TOMM34: variants seen among roughly 807,000 people sequenced by gnomAD.
TOMM34 encodes the protein translocase of outer mitochondrial membrane 34, also known as mitochondrial import receptor subunit TOM34.
In TOMM34, 24 loss-of-function variants were observed where a neutral mutation model predicts 37.4. The observed-to-expected ratio is 0.64, with a 90% CI of 0.46 to 0.90. TOMM34 has a LOEUF of 0.90. Ranked by LOEUF, TOMM34 falls within the 40% of genes least tolerant of loss-of-function variation. TOMM34 has a pLI of 0.00. For synonymous variants in TOMM34, 154 were observed against 148.9 expected (o/e 1.03, Z -0.25); for missense variants, 304 against 375.6 (o/e 0.81, Z 1.58).
At chr20:44,947,002 A>G (rs185844151) in intron 5 of TOMM34, among the ~76,000 whole-genome samples, 1 of 152,388 alleles carries the variant, frequency 6.6e-6, no homozygotes, top group African/African-American at 2.4e-5. Context: ...CAATTAAAAC[A>G]GTGTGGCACA....
At chr20:44,953,406 C>T (rs539958587) in intron 3 of TOMM34, among the ~76,000 whole-genome samples, 3 of 152,310 alleles carry the variant, frequency 2.0e-5, no homozygotes, top group African/African-American at 7.2e-5. Flanking sequence ...TCCCTTGGGA[C>T]ATCAATGCCC....
Position 44,943,031 on chromosome 20 carries a change from AG to A in TOMM34, c.*77del. 7.0e-7 allele frequency: 1 copy of A among 1,425,722 alleles called. No individual in the cohort carries two copies. Among genetic ancestry groups the A allele is most frequent in the Non-Finnish European group, 9.9e-7 (1 of 1,013,994 alleles). 88.3% of individuals were successfully genotyped at this position (1,425,722 alleles called of 1,614,324 possible). On this transcript the variant is annotated 3_prime_UTR_variant, in exon 7 of 7. Coordinates refer to ENST00000372813, the MANE Select transcript of TOMM34 (RefSeq NM_006809.5). Reference sequence around the variant, plus strand: ...GCTCACTTGGGGCATGCTGGGTTTCAGGAGCGGGCACAGAGCAGGTGGCCCA... The same window carrying A: ...GCTCACTTGGGGCATGCTGGGTTTCAGAGCGGGCACAGAGCAGGTGGCCCA...
chr20:44,952,618 CG>C (rs955905490), intron 3 of TOMM34: 4 of 717,366 alleles, frequency 5.6e-6, no homozygotes, highest in Non-Finnish European at 1.0e-5. Flanking sequence ...CTTCCAGGCC[CG>C]GCTAACTCCA....
chr20:44,960,183 G>A (rs1245405062), intron 1 of TOMM34, 24 bp downstream of exon 1: 7 of 1,548,568 alleles, frequency 4.5e-6, no homozygotes, highest in Admixed American at 1.9e-5. Context: ...AGGCCCGGAG[G>A]TGAGATGGGG....
At chr20:44,944,774 T>C (rs1408412084) in intron 5 of TOMM34, among the ~76,000 whole-genome samples, 3 of 152,256 alleles carry the variant, frequency 2.0e-5, no homozygotes, top group African/African-American at 7.2e-5. Flanking sequence ...TGACAGAGCC[T>C]ATTTTCCTAC....
intron 3 of TOMM34, among the ~76,000 whole-genome samples, chr20:44,954,741 G>A (rs1396776995): frequency 1.3e-5 from 2 of 152,122 alleles, no homozygotes; most frequent in African/African-American, 4.8e-5. Flanking sequence ...AAGGTAAGTG[G>A]GGTCTGTATC....
rs779835757 is a variant in TOMM34, at chr20:44,942,131, G to A, written c.*978C>T. ...CAATAAATTTGTTCAACAAATGAAT[G>A]AATGCCCAATAAGCAATAACTTTTA... On this transcript the variant is annotated 3_prime_UTR_variant, in exon 7 of 7. Transcript: ENST00000372813. 4.6e-5 allele frequency: 7 copies of A among 152,218 alleles called. No individual in the cohort carries two copies. The highest frequency in any genetic ancestry group is 7.2e-5 in the African/African-American group (3 of 41,452). The allele number at this position is 152,218 out of a possible 1,614,324, so 9.4% of individuals were successfully genotyped here.
chr20:44,954,983 A>C (rs2067058203), intron 3 of TOMM34, 85 bp downstream of exon 3: 1 of 1,523,288 alleles, frequency 6.6e-7, no homozygotes, highest in South Asian at 1.3e-5. Context: ...GGATCCCCTC[A>C]GAAGACAGAC....
chr20:44,948,897 A>AG lies in TOMM34; in HGVS notation c.551-21dup. 6.2e-7 allele frequency: 1 copy of AG among 1,612,644 alleles called. No homozygotes were observed. Among genetic ancestry groups the AG allele is most frequent in the Non-Finnish European group, 8.5e-7 (1 of 1,179,670 alleles). On this transcript the variant is annotated intron_variant, in intron 4 of 6. Coordinates refer to ENST00000372813, the MANE Select transcript of TOMM34 (RefSeq NM_006809.5). The stretch of plus-strand genomic sequence containing the variant: ...AAGGCACTAGATACAAATTCAGAAG[A>AG]GGAAAAAAACCATGGAGCAGCACCC...
chr20:44,943,011 C>A lies in TOMM34; in HGVS notation c.*98G>T. On this transcript the variant is annotated 3_prime_UTR_variant, in exon 7 of 7. Transcript: ENST00000372813. Reference sequence around the variant, plus strand: ...ATTGAGGAGGGGGCTTCAGAGCTCACTTGGGGCATGCTGGGTTTCAGGAGC... The same window carrying A: ...ATTGAGGAGGGGGCTTCAGAGCTCAATTGGGGCATGCTGGGTTTCAGGAGC... 1.7e-6 allele frequency: 2 copies of A among 1,188,060 alleles called. No individual in the cohort carries two copies. The highest frequency in any genetic ancestry group is 2.5e-6 in the Non-Finnish European group (2 of 804,444). 73.6% of individuals were successfully genotyped at this position (1,188,060 alleles called of 1,614,324 possible).
chr20:44,959,887 G>C (rs1431921442), intron 1 of TOMM34: 1 of 979,726 alleles, frequency 1.0e-6, no homozygotes, highest in East Asian at 1.1e-4. Flanking sequence ...GGGACTTTTT[G>C]TGTCTTGTTA....
rs1452825450 is a variant in TOMM34 at position 44,943,044 on chromosome 20, G to C, written c.*65C>G. 11 of 1,524,206 alleles carry C rather than the reference G, an allele frequency of 7.2e-6. No homozygotes were observed. The highest frequency in any genetic ancestry group is 1.0e-5 in the Non-Finnish European group (11 of 1,100,278). The allele number at this position is 1,524,206 out of a possible 1,614,324, so 94.4% of individuals were successfully genotyped here. A position where few individuals can be genotyped will look rare whatever the true frequency, so the allele number is the denominator to read the frequency against. On this transcript the variant is annotated 3_prime_UTR_variant, in exon 7 of 7. Coordinates refer to ENST00000372813, the MANE Select transcript of TOMM34 (RefSeq NM_006809.5). ...ATGCTGGGTTTCAGGAGCGGGCACA[G>C]AGCAGGTGGCCCATGGCTTCTCTGG...
At chr20:44,945,852 CAGA>C (rs1451037574) in intron 5 of TOMM34, among the ~76,000 whole-genome samples, 1 of 152,068 alleles carries the variant, frequency 6.6e-6, no homozygotes, top group Non-Finnish European at 1.5e-5. Flanking sequence ...ACTTTGAACA[CAGA>C]AGAATTCCTT....
chr20:44,944,103 T>C (rs949730636), intron 5 of TOMM34, among the ~76,000 whole-genome samples: 2 of 152,230 alleles, frequency 1.3e-5, no homozygotes, highest in Admixed American at 6.5e-5. Flanking sequence ...GGCTAAATAG[T>C]GATAAGGCAA....
intron 5 of TOMM34, among the ~76,000 whole-genome samples, chr20:44,945,351 AG>A (rs2066971326): frequency 6.6e-6 from 1 of 152,196 alleles, no homozygotes. Context: ...TGAGAGGCGG[AG>A]GTGTATCTGC....
At position 44,960,391 on chromosome 20, in the gene TOMM34, A is replaced by C; in HGVS notation, c.-58T>G. 1.4e-6 allele frequency: 2 copies of C among 1,454,202 alleles called. No individual in the cohort carries two copies. Among genetic ancestry groups the C allele is most frequent in the Non-Finnish European group, 1.8e-6 (2 of 1,099,142 alleles). 90.1% of individuals were successfully genotyped at this position (1,454,202 alleles called of 1,614,324 possible). The stretch of plus-strand genomic sequence containing the variant: ...TCCTTCCTCCCCCGTGTGGTGCGGC[A>C]CACCTTCCGGGCGCAAGCGCCGGCG... On this transcript the variant is annotated 5_prime_UTR_variant, in exon 1 of 7. Coordinates refer to ENST00000372813, the MANE Select transcript of TOMM34 (RefSeq NM_006809.5).
At chr20:44,948,204 T>C (rs2066996891) in intron 5 of TOMM34, among the ~76,000 whole-genome samples, 1 of 152,156 alleles carries the variant, frequency 6.6e-6, no homozygotes, top group South Asian at 2.1e-4. Context: ...TCTCAGTCAG[T>C]GGTCACTGAC....
chr20:44,952,549 T>C, intron 3 of TOMM34: 1 of 716,596 alleles, frequency 1.4e-6, no homozygotes, highest in Non-Finnish European at 2.6e-6. Flanking sequence ...TTCAAGACTT[T>C]GCACATGCTT....
At chr20:44,946,158 A>G (rs2066979487) in intron 5 of TOMM34, among the ~76,000 whole-genome samples, 2 of 152,162 alleles carry the variant, frequency 1.3e-5, no homozygotes, top group Admixed American at 1.3e-4. Context: ...CTCTAAACAT[A>G]GAGGAATTCT....
Sources: allele counts gnomAD v4.1 joint callset (sites outside exome capture counted in the v4.1 genomes callset), GRCh38; gene constraint gnomAD v4.1.1; transcripts MANE v1.5; gene names NCBI Gene and HGNC (gene_info 2026-07-23, HGNC 2026-07-21).